METTL8: variants seen among roughly 807,000 people sequenced by gnomAD.
METTL8 encodes the protein tRNA N(3)-cytidine methyltransferase METTL8, mitochondrial.
A neutral mutation model predicts 48.7 loss-of-function variants in METTL8; 32 were observed. The observed-to-expected ratio is 0.66, with a 90% CI of 0.50 to 0.88. METTL8 has a LOEUF of 0.88. Ranked by LOEUF, METTL8 falls within the 40% of genes least tolerant of loss-of-function variation. METTL8 has a pLI of 0.00. For synonymous variants in METTL8, 136 were observed against 157.1 expected, an observed-to-expected ratio of 0.87 and a Z score of 1.01; for missense variants, 464 against 474.4, an observed-to-expected ratio of 0.98 and a Z score of 0.20.
At chr2:171,356,952 A>ATGTTTTTTTTTGTTTTTTTTTTTTTT in intron 3 of METTL8, among the ~76,000 whole-genome samples, 3 of 78,468 alleles carry the variant, frequency 3.8e-5, no homozygotes, top group Non-Finnish European at 4.8e-5. Flanking sequence ...CAAAGACAAT[A>ATGTTTTTTTTTGTTTTTTTTTTTTTT]TTTTTTTTTT....
intron 1 of METTL8, among the ~76,000 whole-genome samples, chr2:171,400,522 A>G (rs940830313): frequency 1.3e-5 from 2 of 152,174 alleles, no homozygotes; most frequent in Non-Finnish European, 2.9e-5. Context: ...ATTGGTAGTC[A>G]GCAGTCCCCA....
At chr2:171,400,714 A>G (rs1386565373) in intron 1 of METTL8, among the ~76,000 whole-genome samples, 3 of 152,198 alleles carry the variant, frequency 2.0e-5, no homozygotes, top group Non-Finnish European at 4.4e-5. Flanking sequence ...GCTTCTGCAG[A>G]GCTGAGTAGT....
chr2:171,343,806 G>A (rs1415913465), intron 3 of METTL8, among the ~76,000 whole-genome samples: 1 of 152,184 alleles, frequency 6.6e-6, no homozygotes, highest in Non-Finnish European at 1.5e-5. Context: ...AATTTATGGA[G>A]AACATTAAAC....
chr2:171,410,949 A>C (rs1690690176), intron 1 of METTL8, among the ~76,000 whole-genome samples: 1 of 152,252 alleles, frequency 6.6e-6, no homozygotes. Flanking sequence ...CTCTTTTCTA[A>C]GAAGCCAAAG....
In METTL8 at chr2:171,331,931, G is replaced by A. The variant is rs1169873746; in HGVS notation, c.657-64C>T. 6 of 1,250,242 alleles carry A rather than the reference G, an allele frequency of 4.8e-6. No individual in the cohort carries two copies. The East Asian group carries it at 1.0e-4, about 21-fold the overall frequency. The allele number at this position is 1,250,242 out of a possible 1,614,324, so 77.4% of individuals were successfully genotyped here. Reference sequence around the variant, plus strand: ...GACAGGGTCTTGCGCTGTTGCCCAGGTTGGAGTGTAGTAACGTGACCATAG... The same window carrying A: ...GACAGGGTCTTGCGCTGTTGCCCAGATTGGAGTGTAGTAACGTGACCATAG... On this transcript the variant is annotated intron_variant, in intron 5 of 9. Coordinates refer to ENST00000375258, the MANE Select transcript of METTL8 (RefSeq NM_001321154.2).
intron 3 of METTL8, among the ~76,000 whole-genome samples, chr2:171,355,879 G>A (rs1684481158): frequency 6.6e-6 from 1 of 152,112 alleles, no homozygotes; most frequent in African/African-American, 2.4e-5. Flanking sequence ...CACTTCCTTT[G>A]GCTAGGAAAG....
chr2:171,375,855 T>G lies in METTL8; in HGVS notation c.144-15342A>C, dbSNP rs78572351. On this transcript the variant is annotated intron_variant, in intron 2 of 9. Transcript: ENST00000375258. ...TATACAAAATATTGGAAAATACAAG[T>G]GAATCTACAATGCATTCTAGGTTCT... Among the ~76,000 whole-genome samples, 211 of 152,348 alleles carry G rather than the reference T, an allele frequency of 1.4e-3. 3 individuals are homozygous for G. The East Asian group carries it at 0.014, about 10-fold the overall frequency.
In METTL8 at chr2:171,316,103, A is replaced by C. The variant is rs542895605; in HGVS notation, c.*8069T>G. Reference sequence around the variant, plus strand: ...TTTGCACATGCTTGGAGGAAAAACAACACTATTAAAATGTCTTTTTAAAAG... The same window carrying C: ...TTTGCACATGCTTGGAGGAAAAACACCACTATTAAAATGTCTTTTTAAAAG... On this transcript the variant is annotated 3_prime_UTR_variant, in exon 10 of 10. Transcript: ENST00000375258. Among the ~76,000 whole-genome samples the C allele has an allele frequency of 1.3e-5, 2 of 152,386 alleles. No individual in the cohort carries two copies. The highest frequency in any genetic ancestry group is 2.1e-4 in the South Asian group (1 of 4,832).
chr2:171,421,193 C>T (rs896814503), intron 1 of METTL8, among the ~76,000 whole-genome samples: 6 of 152,176 alleles, frequency 3.9e-5, no homozygotes, highest in Admixed American at 3.9e-4. Flanking sequence ...GAAAGTTTGG[C>T]AAGATTGCCA....
chr2:171,380,952 C>T (rs1458079715), intron 2 of METTL8, among the ~76,000 whole-genome samples: 1 of 152,064 alleles, frequency 6.6e-6, no homozygotes, highest in Non-Finnish European at 1.5e-5. Flanking sequence ...ACAATCCTAA[C>T]CAAAAAGAAT....
chr2:171,354,361 A>T (rs914586476), intron 3 of METTL8, among the ~76,000 whole-genome samples: 10 of 152,036 alleles, frequency 6.6e-5, no homozygotes, highest in Admixed American at 6.6e-4. Flanking sequence ...TTTGTAGGTA[A>T]CCTGACCTTT....
At chr2:171,403,304 G>A (rs1036994833) in intron 1 of METTL8, among the ~76,000 whole-genome samples, 1 of 152,056 alleles carries the variant, frequency 6.6e-6, no homozygotes, top group Non-Finnish European at 1.5e-5. Flanking sequence ...GACAAAAACA[G>A]CACTTTACCT....
At chr2:171,397,615 G>A (rs950157216) in intron 1 of METTL8, among the ~76,000 whole-genome samples, 1 of 148,952 alleles carries the variant, frequency 6.7e-6, no homozygotes, top group Non-Finnish European at 1.5e-5. Flanking sequence ...AGCAAAGCAG[G>A]GAAAAATCAA....
At chr2:171,363,810 A>ATATATATATATATATATATC (rs1160305500) in intron 2 of METTL8, among the ~76,000 whole-genome samples, 3 of 137,882 alleles carry the variant, frequency 2.2e-5, no homozygotes, top group African/African-American at 8.1e-5. Flanking sequence ...ATATATATAT[A>ATATATATATATATATATATC]TATATCTTTT....
At chr2:171,397,871 G>A (rs370021083) in intron 1 of METTL8, among the ~76,000 whole-genome samples, 10 of 152,180 alleles carry the variant, frequency 6.6e-5, no homozygotes, top group African/African-American at 2.2e-4. Flanking sequence ...TAACACAAGA[G>A]AAAATCTGAA....
chr2:171,325,121 CAAAA>C (rs3835041), intron 9 of METTL8, among the ~76,000 whole-genome samples: 2 of 76,046 alleles, frequency 2.6e-5, no homozygotes, highest in East Asian at 5.1e-4. Context: ...GACTCTGTCT[CAAAA>C]AAAAAAAAAA....
intron 2 of METTL8, among the ~76,000 whole-genome samples, chr2:171,385,253 AAAAAT>A (rs934104683): frequency 6.6e-6 from 1 of 152,066 alleles, no homozygotes; most frequent in African/African-American, 2.4e-5. Context: ...CCTCTCTAAA[AAAAAT>A]AAAATAAAAC....
intron 1 of METTL8, among the ~76,000 whole-genome samples, chr2:171,401,920 T>C (rs1385047907): frequency 2.6e-5 from 4 of 152,212 alleles, no homozygotes; most frequent in African/African-American, 9.6e-5. Context: ...ATATGTATTA[T>C]TGTTAAGTCC....
At chr2:171,354,656 T>G (rs1021802039) in intron 3 of METTL8, among the ~76,000 whole-genome samples, 7 of 152,224 alleles carry the variant, frequency 4.6e-5, no homozygotes, top group African/African-American at 1.7e-4. Flanking sequence ...CTTTGTTCGT[T>G]TCTTTTTACT....
Sources: gnomAD v4.1 joint callset for allele counts (sites outside exome capture counted in the v4.1 genomes callset) on GRCh38, gnomAD v4.1.1 for gene constraint, MANE v1.5 for transcripts, NCBI Gene and HGNC (gene_info 2026-07-23, HGNC 2026-07-21) for gene names.